CHST9: variants seen among roughly 807,000 people sequenced by gnomAD.
CHST9 encodes the protein carbohydrate sulfotransferase 9.
In CHST9, 41 loss-of-function variants were observed where a neutral mutation model predicts 44.4. That is an observed-to-expected ratio of 0.92 (90% CI 0.72 to 1.20). The LOEUF (loss-of-function observed/expected upper bound fraction) is 1.20. Ranked by LOEUF, CHST9 falls within the 50% of genes most tolerant of loss-of-function variation. CHST9 has a pLI of 0.00. For synonymous variants in CHST9, 171 were observed against 178.4 expected, an observed-to-expected ratio of 0.96 and a Z score of 0.33; for missense variants, 504 against 516.5, an observed-to-expected ratio of 0.98 and a Z score of 0.23.
At chr18:27,059,382 A>G (rs7234956) in intron 2 of CHST9, among the ~76,000 whole-genome samples, 15,144 of 152,274 alleles carry the variant, frequency 0.099, 853 homozygotes, top group East Asian at 0.24. Context: ...ATGGTAAATA[A>G]TTTAAAATAG....
chr18:26,951,733 T>A (rs1406205273), intron 4 of CHST9, among the ~76,000 whole-genome samples: 1 of 152,222 alleles, frequency 6.6e-6, no homozygotes, highest in Non-Finnish European at 1.5e-5. Context: ...AGATTTTAGA[T>A]CACATTTATA....
chr18:27,123,589 G>A (rs1187478122), intron 2 of CHST9, among the ~76,000 whole-genome samples: 1 of 152,116 alleles, frequency 6.6e-6, no homozygotes, highest in African/African-American at 2.4e-5. Context: ...TAGGCAATGG[G>A]GAAAAATGTC....
intron 5 of CHST9, chr18:26,935,837 C>T (rs1186762751): frequency 6.6e-6 from 1 of 152,136 alleles, no homozygotes; most frequent in Non-Finnish European, 1.5e-5. Context: ...TCTGAATTTT[C>T]ACTATTTGTC....
chr18:26,932,987 A>T (rs1170708542), intron 5 of CHST9: 2 of 153,772 alleles, frequency 1.3e-5, no homozygotes, highest in East Asian at 3.8e-4. Flanking sequence ...CCCTACCTTT[A>T]TCCAGGCACT....
At chr18:27,168,363 C>T (rs2058808115) in intron 1 of CHST9, among the ~76,000 whole-genome samples, 5 of 152,222 alleles carry the variant, frequency 3.3e-5, no homozygotes, top group African/African-American at 7.2e-5. Flanking sequence ...CGTGAGCCAC[C>T]GCGCCCAGCC....
chr18:27,016,249 C>T (rs1386343769), intron 4 of CHST9, among the ~76,000 whole-genome samples: 2 of 152,184 alleles, frequency 1.3e-5, no homozygotes, highest in Non-Finnish European at 2.9e-5. Context: ...CTGAGCATAA[C>T]CAGCATGCTC....
intron 5 of CHST9, among the ~76,000 whole-genome samples, chr18:26,923,994 C>T (rs1355293398): frequency 6.6e-6 from 1 of 151,972 alleles, no homozygotes; most frequent in Non-Finnish European, 1.5e-5. Context: ...CAGGGAGAGG[C>T]AGGAGGGGTT....
intron 2 of CHST9, among the ~76,000 whole-genome samples, chr18:27,141,243 T>C (rs2058562243): frequency 6.6e-6 from 1 of 151,994 alleles, no homozygotes; most frequent in African/African-American, 2.4e-5. Flanking sequence ...CGGGCGCCTG[T>C]AGTCCCAGCT....
intron 4 of CHST9, among the ~76,000 whole-genome samples, chr18:26,956,595 G>A (rs2056329283): frequency 6.6e-6 from 1 of 151,716 alleles, no homozygotes; most frequent in African/African-American, 2.4e-5. Flanking sequence ...CCTTAGCCTG[G>A]TGGAGATGAC....
intron 3 of CHST9, among the ~76,000 whole-genome samples, chr18:27,046,386 T>G (rs1344903188): frequency 6.6e-6 from 1 of 152,070 alleles, no homozygotes; most frequent in Non-Finnish European, 1.5e-5. Flanking sequence ...GTTTCAATTA[T>G]TATACATTTA....
intron 5 of CHST9, among the ~76,000 whole-genome samples, chr18:26,941,164 G>T (rs2056076479): frequency 6.6e-6 from 1 of 152,152 alleles, no homozygotes; most frequent in Non-Finnish European, 1.5e-5. Context: ...GTAATGGCCT[G>T]CACTGGTGTT....
At chr18:27,077,350 C>A (rs777402549) in intron 2 of CHST9, among the ~76,000 whole-genome samples, 10 of 152,222 alleles carry the variant, frequency 6.6e-5, no homozygotes, top group South Asian at 2.1e-4. Flanking sequence ...AATGTTTAGA[C>A]TTTAATATAC....
chr18:26,930,725 G>A (rs1282685770), intron 5 of CHST9: 1 of 153,766 alleles, frequency 6.5e-6, no homozygotes, highest in Non-Finnish European at 1.5e-5. Context: ...GAAGTCTTCA[G>A]TATCTGTACA....
intron 3 of CHST9, among the ~76,000 whole-genome samples, chr18:27,035,359 G>C (rs1008979481): frequency 1.3e-5 from 2 of 151,880 alleles, no homozygotes; most frequent in African/African-American, 4.8e-5. Flanking sequence ...GGTTTTTGTT[G>C]TTATTTTTTG....
intron 4 of CHST9, among the ~76,000 whole-genome samples, chr18:26,981,907 G>T (rs1006395277): frequency 1.3e-5 from 2 of 152,000 alleles, no homozygotes; most frequent in African/African-American, 2.4e-5. Context: ...CAGCTCTCTC[G>T]ATCAGCTGCA....
At chr18:27,042,817 T>A (rs946312110) in intron 3 of CHST9, among the ~76,000 whole-genome samples, 1 of 151,644 alleles carries the variant, frequency 6.6e-6, no homozygotes, top group Non-Finnish European at 1.5e-5. Flanking sequence ...CTCTTTTATA[T>A]CTTCTTCCTT....
intron 2 of CHST9, among the ~76,000 whole-genome samples, chr18:27,133,839 C>G (rs1217069123): frequency 6.6e-6 from 1 of 152,140 alleles, no homozygotes; most frequent in African/African-American, 2.4e-5. Context: ...GAAGAGGGAA[C>G]AGCCGTGACA....
chr18:26,975,747 A>G (rs1486738470), intron 4 of CHST9, among the ~76,000 whole-genome samples: 14 of 140,012 alleles, frequency 1.0e-4, no homozygotes, highest in Non-Finnish European at 2.0e-4. Flanking sequence ...ATATATATAT[A>G]TATATATATA....
chr18:27,130,770 G>A (rs2058464447), intron 2 of CHST9, among the ~76,000 whole-genome samples: 1 of 152,130 alleles, frequency 6.6e-6, no homozygotes, highest in South Asian at 2.1e-4. Flanking sequence ...TAGCAGTTAG[G>A]TAAATGACTG....
Sources: gnomAD v4.1 joint callset for allele counts (sites outside exome capture counted in the v4.1 genomes callset) on GRCh38, gnomAD v4.1.1 for gene constraint, MANE v1.5 for transcripts, NCBI Gene and HGNC (gene_info 2026-07-23, HGNC 2026-07-21) for gene names.